The following LRMDA variants were observed in gnomAD, a reference collection of about 807,000 sequenced individuals.
LRMDA encodes the protein leucine rich melanocyte differentiation associated.
LRMDA carries 18 observed loss-of-function variants against 29.8 expected under a neutral mutation model. The observed-to-expected ratio is 0.60, with a 90% CI of 0.42 to 0.90. The LOEUF (loss-of-function observed/expected upper bound fraction) is 0.90. Ranked by LOEUF, LRMDA falls within the 40% of genes least tolerant of loss-of-function variation. The probability of loss-of-function intolerance (pLI) is 0.00; values close to 1 mark genes in which losing one functional copy is unlikely to be tolerated. For missense variants in LRMDA, 273 were observed against 273.9 expected, an observed-to-expected ratio of 1.00 and a Z score of 0.02; for synonymous variants, 125 against 109.4, an observed-to-expected ratio of 1.14 and a Z score of -0.89.
chr10:75,865,118 G>A (rs1162293482), intron 2 of LRMDA, among the ~76,000 whole-genome samples: 1 of 152,126 alleles, frequency 6.6e-6, no homozygotes, highest in Non-Finnish European at 1.5e-5. Context: ...GCATAGCTAA[G>A]TTTTAAATGA....
At chr10:75,492,961 A>G (rs1377642438) in intron 2 of LRMDA, among the ~76,000 whole-genome samples, 1 of 152,202 alleles carries the variant, frequency 6.6e-6, no homozygotes, top group Admixed American at 6.6e-5. Flanking sequence ...GAAGGAATAT[A>G]ACGGATGTCT....
intron 6 of LRMDA, among the ~76,000 whole-genome samples, chr10:76,416,020 A>G (rs1223986399): frequency 6.6e-6 from 1 of 152,222 alleles, no homozygotes; most frequent in Admixed American, 6.5e-5. Flanking sequence ...TATTCACTGC[A>G]TCATGTTGTG....
chr10:76,204,309 C>G (rs1186026930), intron 5 of LRMDA, among the ~76,000 whole-genome samples: 1 of 148,898 alleles, frequency 6.7e-6, no homozygotes, highest in African/African-American at 2.5e-5. Flanking sequence ...ATCTCTATTC[C>G]ATGTGCCCAT....
intron 2 of LRMDA, among the ~76,000 whole-genome samples, chr10:75,925,728 C>T (rs1169085589): frequency 1.4e-5 from 2 of 147,364 alleles, no homozygotes; most frequent in Non-Finnish European, 3.0e-5. Flanking sequence ...TCTCGGTTCA[C>T]TGCAGCCTCT....
At chr10:75,726,123 G>T (rs192334713) in intron 2 of LRMDA, among the ~76,000 whole-genome samples, 1 of 152,308 alleles carries the variant, frequency 6.6e-6, no homozygotes, top group East Asian at 1.9e-4. Flanking sequence ...CTCTTCCCTG[G>T]TATAAAAGAT....
chr10:76,362,646 C>T (rs1396051592), intron 6 of LRMDA, among the ~76,000 whole-genome samples: 1 of 152,130 alleles, frequency 6.6e-6, no homozygotes, highest in Non-Finnish European at 1.5e-5. Context: ...TACCTATCAT[C>T]CAAATATTGA....
chr10:76,433,541 G>A (rs1842213434), intron 6 of LRMDA, among the ~76,000 whole-genome samples: 1 of 152,186 alleles, frequency 6.6e-6, no homozygotes, highest in East Asian at 1.9e-4. Flanking sequence ...TGTGCGATTA[G>A]TATTGATGCC....
At chr10:76,431,981 G>A (rs1474960328) in intron 6 of LRMDA, among the ~76,000 whole-genome samples, 1 of 152,156 alleles carries the variant, frequency 6.6e-6, no homozygotes, top group Non-Finnish European at 1.5e-5. Flanking sequence ...ACGTGAAACT[G>A]TAAGTCCAAT....
At chr10:75,586,521 C>G (rs1036794121) in intron 2 of LRMDA, among the ~76,000 whole-genome samples, 1 of 151,840 alleles carries the variant, frequency 6.6e-6, no homozygotes, top group Admixed American at 6.6e-5. Flanking sequence ...CCATGCCTGG[C>G]TAATTTTTGT....
chr10:76,160,100 G>C (rs1043521930), intron 5 of LRMDA, among the ~76,000 whole-genome samples: 2 of 152,054 alleles, frequency 1.3e-5, no homozygotes, highest in Admixed American at 6.5e-5. Flanking sequence ...TGTTGATAAG[G>C]GGGGAGGCTA....
intron 2 of LRMDA, among the ~76,000 whole-genome samples, chr10:75,664,886 GA>G (rs1039368073): frequency 4.6e-5 from 7 of 152,130 alleles, no homozygotes; most frequent in Admixed American, 2.6e-4. Flanking sequence ...TGTGATAAAG[GA>G]ACCACTAGAA....
At chr10:75,556,037 G>C (rs1410585325) in intron 2 of LRMDA, among the ~76,000 whole-genome samples, 1 of 152,104 alleles carries the variant, frequency 6.6e-6, no homozygotes, top group South Asian at 2.1e-4. Flanking sequence ...AGGGATGCAG[G>C]GATCAGTGGG....
chr10:76,035,912 A>G, intron 2 of LRMDA, 96 bp from the exon 3 acceptor site: 1 of 1,301,846 alleles, frequency 7.7e-7, no homozygotes, highest in Non-Finnish European at 1.0e-6. Flanking sequence ...AACTATTCCC[A>G]GTCCTGAAAG....
At chr10:75,803,377 C>T (rs556660439) in intron 2 of LRMDA, among the ~76,000 whole-genome samples, 2 of 152,298 alleles carry the variant, frequency 1.3e-5, no homozygotes, top group South Asian at 4.1e-4. Context: ...ATCATTCGGC[C>T]TTTTATACAG....
Position 75,465,911 on chromosome 10 carries a change from C to T in LRMDA, c.131+27417C>T, listed in dbSNP as rs116285210. Among the ~76,000 whole-genome samples, 1,241 of 152,348 alleles carry T rather than the reference C, an allele frequency of 8.1e-3. 15 individuals are homozygous for T. Among genetic ancestry groups the T allele is most frequent in the African/African-American group, 0.028 (1,164 of 41,578 alleles). On this transcript the variant is annotated intron_variant, in intron 2 of 6. Coordinates refer to ENST00000611255, the MANE Select transcript of LRMDA (RefSeq NM_001305581.2). Reference sequence around the variant, plus strand: ...GGAGTTCATAATTCATCATTTCTTACACCCTGCTCACCCCCTTTTCTGACT... The same window carrying T: ...GGAGTTCATAATTCATCATTTCTTATACCCTGCTCACCCCCTTTTCTGACT...
chr10:75,760,671 C>G (rs991062421), intron 2 of LRMDA, among the ~76,000 whole-genome samples: 1 of 152,184 alleles, frequency 6.6e-6, no homozygotes, highest in Non-Finnish European at 1.5e-5. Context: ...CTGATTGTCT[C>G]TCTCCTCACT....
intron 6 of LRMDA, among the ~76,000 whole-genome samples, chr10:76,522,783 G>A (rs2579739): frequency 0.35 from 53,288 of 151,996 alleles, 10,075 homozygotes; most frequent in Middle Eastern, 0.54. Context: ...TTTCTGGTGC[G>A]GGCAACTCCT....
At chr10:76,122,615 C>T (rs1849809485) in intron 5 of LRMDA, among the ~76,000 whole-genome samples, 1 of 152,016 alleles carries the variant, frequency 6.6e-6, no homozygotes, top group African/African-American at 2.4e-5. Context: ...CAAATGTTAG[C>T]CACTATTATT....
At chr10:75,967,766 G>A (rs112254526) in intron 2 of LRMDA, among the ~76,000 whole-genome samples, 296 of 152,122 alleles carry the variant, frequency 1.9e-3, no homozygotes, top group African/African-American at 6.7e-3. Flanking sequence ...GGAGGGAGGC[G>A]GCGGGCAGGG....
Sources: allele counts gnomAD v4.1 joint callset (sites outside exome capture counted in the v4.1 genomes callset), GRCh38; gene constraint gnomAD v4.1.1; transcripts MANE v1.5; gene names NCBI Gene and HGNC (gene_info 2026-07-23, HGNC 2026-07-21).